Variants in ATP11C observed in about 807,000 individuals in gnomAD.
The protein encoded by ATP11C is ATPase phospholipid transporting 11C (ATP11C blood group).
A neutral mutation model predicts 97.4 loss-of-function variants in ATP11C; 36 were observed. The observed-to-expected ratio is 0.37, with a 90% CI of 0.28 to 0.49. The LOEUF is 0.49. Among genes scored for constraint, ATP11C ranks in the 20% least tolerant of loss-of-function variants. The probability of loss-of-function intolerance (pLI) is 0.98; values close to 1 mark genes in which losing one functional copy is unlikely to be tolerated. For synonymous variants in ATP11C, 275 were observed against 290.9 expected, an observed-to-expected ratio of 0.95 and a Z score of 0.56; for missense variants, 730 against 824.6, an observed-to-expected ratio of 0.89 and a Z score of 1.40.
chrX:139,732,757 A>G lies in ATP11C; in HGVS notation c.3289-1002T>C, dbSNP rs757243225. Among the ~76,000 whole-genome samples, 3 of 111,719 alleles carry G rather than the reference A, an allele frequency of 2.7e-5. No individual in the cohort carries two copies. In the East Asian group the frequency reaches 8.5e-4, roughly 32 times the overall value. On this transcript the variant is annotated intron_variant, in intron 28 of 29. Coordinates refer to ENST00000682941, the MANE Select transcript of ATP11C (RefSeq NM_001353812.2). Reference sequence around the variant, plus strand: ...TACGTGCCAACTACTATTTCTCTACATATCAATTTGAAATTATTTTGTTAA... The same window carrying G: ...TACGTGCCAACTACTATTTCTCTACGTATCAATTTGAAATTATTTTGTTAA...
intron 1 of ATP11C, among the ~76,000 whole-genome samples, chrX:139,868,792 T>TA (rs1171001102): frequency 2.2e-4 from 24 of 109,372 alleles, no homozygotes; most frequent in Non-Finnish European, 4.6e-4. Context: ...ATAGCCCAGT[T>TA]AAAAAATAGA....
At chrX:139,860,733 G>A (rs761423753) in intron 1 of ATP11C, among the ~76,000 whole-genome samples, 2 of 112,124 alleles carry the variant, frequency 1.8e-5, no homozygotes, top group South Asian at 3.8e-4. Flanking sequence ...CAGAAGAATC[G>A]CTTGAACCCG....
At chrX:139,822,114 A>C (rs1019031348) in intron 2 of ATP11C, among the ~76,000 whole-genome samples, 3 of 112,560 alleles carry the variant, frequency 2.7e-5, no homozygotes, top group Non-Finnish European at 5.6e-5. Flanking sequence ...CAAGAAGAAA[A>C]TGTGTATAGC....
At chrX:139,819,183 A>C (rs940954282) in intron 3 of ATP11C, among the ~76,000 whole-genome samples, 155 bp downstream of exon 3, 5 of 112,160 alleles carry the variant, frequency 4.5e-5, no homozygotes, top group Non-Finnish European at 9.4e-5. Flanking sequence ...CAAAATGATA[A>C]TCTTTAAATG....
chrX:139,923,124 G>C (rs2085294011), intron 1 of ATP11C, among the ~76,000 whole-genome samples: 1 of 111,701 alleles, frequency 9.0e-6, no homozygotes, highest in Admixed American at 9.6e-5. Context: ...ACTCATTTGG[G>C]GTTGGCATGT....
intron 1 of ATP11C, among the ~76,000 whole-genome samples, chrX:139,914,536 G>A (rs937651887): frequency 3.6e-5 from 4 of 112,275 alleles, no homozygotes; most frequent in Non-Finnish European, 7.5e-5. Context: ...TTCTAGATGT[G>A]TCCGCCAAGG....
At chrX:139,833,307 C>G (rs1175995809) in intron 1 of ATP11C, among the ~76,000 whole-genome samples, 1 of 111,967 alleles carries the variant, frequency 8.9e-6, no homozygotes, top group Non-Finnish European at 1.9e-5. Flanking sequence ...TATAACTTTT[C>G]TTAACATCCC....
chrX:139,740,246 A>G (rs1437153222), intron 27 of ATP11C, among the ~76,000 whole-genome samples: 1 of 111,804 alleles, frequency 8.9e-6, no homozygotes, highest in African/African-American at 3.2e-5. Flanking sequence ...AAAATAAAAT[A>G]TATGTTTTTG....
intron 1 of ATP11C, chrX:139,832,352 G>A: frequency 9.6e-7 from 1 of 1,045,922 alleles, no homozygotes. Flanking sequence ...TTCCATGGGA[G>A]GCAGCAAAGG....
chrX:139,778,469 A>C (rs1388086618), intron 18 of ATP11C, among the ~76,000 whole-genome samples: 1 of 111,881 alleles, frequency 8.9e-6, no homozygotes, highest in Non-Finnish European at 1.9e-5. Flanking sequence ...ATCAATATTA[A>C]CCTTGAATGT....
At chrX:139,818,210 C>G (rs936069839) in intron 3 of ATP11C, among the ~76,000 whole-genome samples, 1 of 111,835 alleles carries the variant, frequency 8.9e-6, no homozygotes, top group Non-Finnish European at 1.9e-5. Context: ...ACTGTATACC[C>G]AAAGCATTCT....
chrX:139,876,536 T>A (rs1417581095), intron 1 of ATP11C, among the ~76,000 whole-genome samples: 1 of 111,749 alleles, frequency 8.9e-6, no homozygotes, highest in East Asian at 2.8e-4. Flanking sequence ...AGCCTAAGGG[T>A]TTCTCCTGCC....
chrX:139,891,197 CAAAAAA>C (rs35280856), intron 1 of ATP11C, among the ~76,000 whole-genome samples: 4 of 35,498 alleles, frequency 1.1e-4, no homozygotes, highest in Admixed American at 3.8e-4. Flanking sequence ...AGAGATTGGC[CAAAAAA>C]AAAAAAAAAA....
chrX:139,926,117 C>T (rs2085347792), intron 1 of ATP11C, among the ~76,000 whole-genome samples: 1 of 110,542 alleles, frequency 9.0e-6, no homozygotes, highest in Admixed American at 9.7e-5. Flanking sequence ...TTATACCAGG[C>T]CAAGAAGGTA....
chrX:139,741,544 A>G (rs1055776972), intron 26 of ATP11C, among the ~76,000 whole-genome samples: 3 of 111,360 alleles, frequency 2.7e-5, no homozygotes, highest in Non-Finnish European at 3.8e-5. Flanking sequence ...ACAAACTACA[A>G]AACTTTCAAA....
intron 1 of ATP11C, among the ~76,000 whole-genome samples, chrX:139,870,948 C>G (rs945693012): frequency 9.6e-6 from 1 of 103,833 alleles, no homozygotes; most frequent in Non-Finnish European, 2.0e-5. Context: ...CCCAGCTACT[C>G]GGGAGGCTGA....
chrX:139,730,019 A>G (rs188285699), intron 29 of ATP11C, among the ~76,000 whole-genome samples: 170 of 111,879 alleles, frequency 1.5e-3, no homozygotes, highest in South Asian at 2.6e-3. Context: ...CACATTGAGG[A>G]GTTAGGTAGT....
chrX:139,860,704 G>C (rs963554819), intron 1 of ATP11C, among the ~76,000 whole-genome samples: 1 of 111,984 alleles, frequency 8.9e-6, no homozygotes, highest in Non-Finnish European at 1.9e-5. Flanking sequence ...TGTAATCCCA[G>C]CTATTCGTGA....
At chrX:139,872,229 T>C (rs905114953) in intron 1 of ATP11C, among the ~76,000 whole-genome samples, 4 of 91,205 alleles carry the variant, frequency 4.4e-5, no homozygotes, top group African/African-American at 1.8e-4. Context: ...CAGAACAAAG[T>C]TTATAAAAGA....
Sources: allele counts gnomAD v4.1 joint callset (sites outside exome capture counted in the v4.1 genomes callset), GRCh38; gene constraint gnomAD v4.1.1; transcripts MANE v1.5; gene names NCBI Gene and HGNC (gene_info 2026-07-23, HGNC 2026-07-21).